LMBR1: variants seen among roughly 807,000 people sequenced by gnomAD.
The protein encoded by LMBR1 is limb development membrane protein 1.
Under a neutral mutation model 73.9 loss-of-function variants are expected in LMBR1, and 52 were observed. The ratio of observed to expected loss-of-function variants is 0.70; its 90% CI spans 0.56 to 0.89. The LOEUF (loss-of-function observed/expected upper bound fraction) is 0.89. Ranked by LOEUF, LMBR1 falls within the 40% of genes least tolerant of loss-of-function variation. The pLI is 0.00. For synonymous variants in LMBR1, 215 were observed against 209.4 expected (o/e 1.03, Z -0.23); for missense variants, 539 against 579.8 (o/e 0.93, Z 0.72).
At position 156,782,835 on chromosome 7, in the gene LMBR1, G is replaced by A. The variant is rs1040818136; in HGVS notation, c.423+13554C>T. On this transcript the variant is annotated intron_variant, in intron 5 of 16. Transcript: ENST00000353442. ...GGAGGGATTACAGGAATGAGCCACTGGGCCTAGCCTCATTGTAGTTTTGAT... is the reference window on the plus strand; with the variant it reads ...GGAGGGATTACAGGAATGAGCCACTAGGCCTAGCCTCATTGTAGTTTTGAT... Among the ~76,000 whole-genome samples the A allele has an allele frequency of 6.6e-5, 10 of 152,192 alleles. No homozygotes were observed. The East Asian group carries it at 7.7e-4, about 12-fold the overall frequency.
chr7:156,821,756 T>C lies in LMBR1; in HGVS notation c.319+4849A>G, dbSNP rs1166466045. Among the ~76,000 whole-genome samples, 15 of 150,432 alleles carry C rather than the reference T, an allele frequency of 1.0e-4. No homozygotes were observed. In the Admixed American group the frequency reaches 1.0e-3, roughly 10 times the overall value. ...TAAGTGGATAGGCTGACTGGCTCTG[T>C]GGATACTAGTCAGCCTCCTTCCCCA... On this transcript the variant is annotated intron_variant, in intron 4 of 16. Transcript: ENST00000353442.
intron 1 of LMBR1, among the ~76,000 whole-genome samples, chr7:156,885,836 C>T (rs1801801428): frequency 6.6e-6 from 1 of 151,990 alleles, no homozygotes; most frequent in South Asian, 2.1e-4. Context: ...CGAGATTGTG[C>T]CACTGCACTC....
rs936058218 is a variant in LMBR1 at position 156,837,711 on chromosome 7, C to T, written c.67-826G>A. Among the ~76,000 whole-genome samples the T allele has an allele frequency of 3.3e-5, 5 of 151,566 alleles. No homozygotes were observed. The East Asian group carries it at 9.6e-4, about 29-fold the overall frequency. On this transcript the variant is annotated intron_variant, in intron 1 of 16. Transcript: ENST00000353442. ...GGGAAATAATTATTCAATAGATATA[C>T]CCCATATCAAAATAAAAGGCAGTTG... is the stretch of plus-strand genomic sequence containing the variant.
At chr7:156,785,751 CA>C (rs1039832750) in intron 5 of LMBR1, among the ~76,000 whole-genome samples, 1 of 151,942 alleles carries the variant, frequency 6.6e-6, no homozygotes, top group African/African-American at 2.4e-5. Context: ...CCAAAGAATG[CA>C]AAAAAGTTAA....
At chr7:156,799,964 G>C (rs1043762600) in intron 4 of LMBR1, among the ~76,000 whole-genome samples, 7 of 152,194 alleles carry the variant, frequency 4.6e-5, no homozygotes, top group Non-Finnish European at 2.9e-5. Flanking sequence ...CATCTATGAA[G>C]GCTGAGGGAG....
intron 1 of LMBR1, among the ~76,000 whole-genome samples, chr7:156,850,843 C>A (rs933695098): frequency 6.6e-6 from 1 of 152,156 alleles, no homozygotes. Flanking sequence ...GAAGCGTGAT[C>A]CCCACTGTTG....
chr7:156,858,348 T>G (rs770542667), intron 1 of LMBR1, among the ~76,000 whole-genome samples: 3 of 152,198 alleles, frequency 2.0e-5, no homozygotes, highest in Non-Finnish European at 2.9e-5. Context: ...ATAAATACCT[T>G]CAAAGACATA....
rs1178783598 is a variant in LMBR1 at position 156,837,410 on chromosome 7, GA to G, written c.67-526del. Among the ~76,000 whole-genome samples the G allele has an allele frequency of 3.8e-3, 465 of 122,480 alleles. 1 individual carries two copies. The highest frequency in any genetic ancestry group is 9.9e-3 in the African/African-American group (337 of 34,166). The allele number at this position is 122,480 out of a possible 152,430, so 80.4% of individuals were successfully genotyped here. On this transcript the variant is annotated intron_variant, in intron 1 of 16. Transcript: ENST00000353442. Reference sequence around the variant, plus strand: ...CAATTAGCCCCATTTAATACCATTTGAAAAAAAAAAAAAGCCCAATGGAGAC... The same window carrying G: ...CAATTAGCCCCATTTAATACCATTTGAAAAAAAAAAAAGCCCAATGGAGAC...
intron 4 of LMBR1, among the ~76,000 whole-genome samples, chr7:156,806,762 C>T (rs1230296507): frequency 1.3e-5 from 2 of 152,018 alleles, no homozygotes; most frequent in African/African-American, 4.8e-5. Flanking sequence ...CAGGTGCACA[C>T]CACCATGCCC....
chr7:156,822,147 TAC>T (rs1187332684), intron 4 of LMBR1: 1 of 152,144 alleles, frequency 6.6e-6, no homozygotes, highest in East Asian at 1.9e-4. Context: ...ATTACAAAAC[TAC>T]AGTCTTTAAA....
chr7:156,706,508 G>T (rs1810970689), intron 15 of LMBR1, among the ~76,000 whole-genome samples: 1 of 152,078 alleles, frequency 6.6e-6, no homozygotes, highest in African/African-American at 2.4e-5. Context: ...CACAAAACAA[G>T]TCTCAACAAA....
At chr7:156,711,223 T>C (rs1416532960) in intron 15 of LMBR1, among the ~76,000 whole-genome samples, 1 of 152,090 alleles carries the variant, frequency 6.6e-6, no homozygotes. Flanking sequence ...GGCAGGAGAA[T>C]CGCTTGAACC....
rs1387031103 is a variant in LMBR1 at position 156,769,353 on chromosome 7, G to A, written c.424-5558C>T. Reference sequence around the variant, plus strand: ...CCAACATTCCTTCGTCTTACAACAGGAGAGGAATGAACGACAGCCAAAGCA... The same window carrying A: ...CCAACATTCCTTCGTCTTACAACAGAAGAGGAATGAACGACAGCCAAAGCA... On this transcript the variant is annotated intron_variant, in intron 5 of 16. Transcript: ENST00000353442. 2.0e-5 allele frequency among the ~76,000 whole-genome samples: 3 copies of A among 152,112 alleles called. No individual in the cohort carries two copies. The highest frequency in any genetic ancestry group is 6.5e-5 in the Admixed American group (1 of 15,272).
chr7:156,771,295 T>C (rs1825129358), intron 5 of LMBR1, among the ~76,000 whole-genome samples: 1 of 152,032 alleles, frequency 6.6e-6, no homozygotes, highest in Non-Finnish European at 1.5e-5. Flanking sequence ...CAGGAGTTGA[T>C]TCTTTGAAAG....
At chr7:156,827,638 G>A (rs1558584) in intron 3 of LMBR1, among the ~76,000 whole-genome samples, 54,119 of 151,796 alleles carry the variant, frequency 0.36, 9,900 homozygotes, top group East Asian at 0.57. Context: ...TAATATTAGA[G>A]ATAGAATGGA....
chr7:156,865,489 T>C (rs1798325056), intron 1 of LMBR1, among the ~76,000 whole-genome samples: 1 of 152,192 alleles, frequency 6.6e-6, no homozygotes, highest in Non-Finnish European at 1.5e-5. Flanking sequence ...TTAATATTGA[T>C]GGGATAACAC....
At chr7:156,771,670 G>A (rs1254071436) in intron 5 of LMBR1, among the ~76,000 whole-genome samples, 3 of 151,998 alleles carry the variant, frequency 2.0e-5, no homozygotes, top group Non-Finnish European at 4.4e-5. Flanking sequence ...AGAACAGCTG[G>A]TACCATTCCT....
Position 156,736,388 on chromosome 7 carries a change from G to A in LMBR1, c.758-2131C>T, listed in dbSNP as rs1036960500. On this transcript the variant is annotated intron_variant, in intron 9 of 16. Coordinates refer to ENST00000353442, the MANE Select transcript of LMBR1 (RefSeq NM_022458.4). ...GCATTCATTATTTAGTATAATAGCT[G>A]ATAAACTTTATTTTATACTTTCTAT... 6.1e-5 allele frequency: 23 copies of A among 375,696 alleles called. 1 individual carries two copies. Among genetic ancestry groups the A allele is most frequent in the South Asian group, 4.1e-4 (20 of 48,458 alleles). The allele number at this position is 375,696 out of a possible 1,614,324, so 23.3% of individuals were successfully genotyped here.
At chr7:156,871,813 T>C (rs931358493) in intron 1 of LMBR1, among the ~76,000 whole-genome samples, 2 of 152,178 alleles carry the variant, frequency 1.3e-5, no homozygotes, top group Non-Finnish European at 2.9e-5. Context: ...AGGCCATATA[T>C]GAAAAGCCCA....
Sources: gnomAD v4.1 joint callset for allele counts (sites outside exome capture counted in the v4.1 genomes callset) on GRCh38, gnomAD v4.1.1 for gene constraint, MANE v1.5 for transcripts, NCBI Gene and HGNC (gene_info 2026-07-23, HGNC 2026-07-21) for gene names.